TRAPPC9: variants seen among roughly 807,000 people sequenced by gnomAD.
TRAPPC9 encodes the protein trafficking protein particle complex subunit 9.
A neutral mutation model predicts 124.0 loss-of-function variants in TRAPPC9; 83 were observed. The ratio of observed to expected loss-of-function variants is 0.67; its 90% CI spans 0.56 to 0.80. The LOEUF (loss-of-function observed/expected upper bound fraction) is 0.80, where lower values mean the gene tolerates loss of function less well. Ranked by LOEUF, TRAPPC9 falls within the 30% of genes least tolerant of loss-of-function variation. The pLI, the probability that TRAPPC9 is intolerant of heterozygous loss-of-function variation, is 0.00. For synonymous variants in TRAPPC9, 638 were observed against 617.5 expected, an observed-to-expected ratio of 1.03 and a Z score of -0.49; for missense variants, 1,302 against 1,508.3, an observed-to-expected ratio of 0.86 and a Z score of 2.27.
intron 17 of TRAPPC9, among the ~76,000 whole-genome samples, chr8:140,181,880 C>T (rs748357702): frequency 6.6e-6 from 1 of 152,100 alleles, no homozygotes; most frequent in South Asian, 2.1e-4. Flanking sequence ...AGAGAAGTAT[C>T]TCTATGGAGC....
At chr8:139,772,078 C>G (rs1182810036) in intron 21 of TRAPPC9, among the ~76,000 whole-genome samples, 2 of 152,228 alleles carry the variant, frequency 1.3e-5, no homozygotes, top group Non-Finnish European at 2.9e-5. Context: ...TGAGGGCTAT[C>G]TATCTAGCCC....
intron 17 of TRAPPC9, among the ~76,000 whole-genome samples, chr8:140,028,504 A>T (rs1229121354): frequency 6.6e-6 from 1 of 152,246 alleles, no homozygotes; most frequent in Non-Finnish European, 1.5e-5. Flanking sequence ...GCTTTCATCA[A>T]TGAGGCTCAG....
At chr8:140,198,629 A>C (rs2062718309) in intron 17 of TRAPPC9, among the ~76,000 whole-genome samples, 2 of 152,102 alleles carry the variant, frequency 1.3e-5, no homozygotes, top group Non-Finnish European at 2.9e-5. Flanking sequence ...AGTAGTAATA[A>C]AACCGGTCTC....
intron 17 of TRAPPC9, among the ~76,000 whole-genome samples, chr8:140,153,919 G>A (rs913367137): frequency 3.3e-5 from 5 of 152,048 alleles, no homozygotes; most frequent in African/African-American, 9.7e-5. Context: ...AGCCTTCTAC[G>A]TTTGCTTATG....
chr8:140,129,383 G>T (rs2061162168), intron 17 of TRAPPC9, among the ~76,000 whole-genome samples: 1 of 152,156 alleles, frequency 6.6e-6, no homozygotes, highest in South Asian at 2.1e-4. Context: ...GCCTGAGCAG[G>T]GTACGGGGTC....
intron 17 of TRAPPC9, among the ~76,000 whole-genome samples, chr8:140,164,641 T>G (rs2061802634): frequency 6.6e-6 from 1 of 152,228 alleles, no homozygotes; most frequent in African/African-American, 2.4e-5. Flanking sequence ...TAGCTCAGAC[T>G]TGGCTGGACA....
In TRAPPC9 at chr8:140,443,264, T is replaced by C. The variant is rs7004225; in HGVS notation, c.585-4067A>G. Reference sequence around the variant, plus strand: ...TCCTGGCTAACATGATGAAACCCCGTCTCTACTAAAAAATACAAAAAATTA... The same window carrying C: ...TCCTGGCTAACATGATGAAACCCCGCCTCTACTAAAAAATACAAAAAATTA... On this transcript the variant is annotated intron_variant, in intron 2 of 22. Transcript: ENST00000438773. Among the ~76,000 whole-genome samples the C allele has an allele frequency of 8.1e-3, 1,169 of 144,456 alleles. 19 individuals are homozygous for C. Among genetic ancestry groups the C allele is most frequent in the African/African-American group, 0.028 (1,086 of 38,948 alleles). 94.8% of individuals were successfully genotyped at this position (144,456 alleles called of 152,430 possible).
At chr8:139,780,309 T>C (rs1001240599) in intron 21 of TRAPPC9, among the ~76,000 whole-genome samples, 1 of 152,076 alleles carries the variant, frequency 6.6e-6, no homozygotes, top group Non-Finnish European at 1.5e-5. Context: ...GTGAAAGAAA[T>C]AGATCAATGG....
At chr8:140,177,691 T>G (rs2062101046) in intron 17 of TRAPPC9, among the ~76,000 whole-genome samples, 1 of 152,138 alleles carries the variant, frequency 6.6e-6, no homozygotes, top group South Asian at 2.1e-4. Flanking sequence ...TGGGAAGAAC[T>G]GTCATTTTTA....
rs148453804 is a variant in TRAPPC9 at position 140,311,306 on chromosome 8, C to T, written c.1564G>A (p.Ala522Thr). 629 of 1,613,774 alleles carry T rather than the reference C, an allele frequency of 3.9e-4. 1 individual carries two copies. Among genetic ancestry groups the T allele is most frequent in the Non-Finnish European group, 5.0e-4 (593 of 1,180,010 alleles). Residue 522 changes from alanine (A) to threonine (T), a missense_variant, in exon 10 of 23, where the codon GCC becomes ACC. Ala to Thr is a moderately conservative substitution (Grantham distance 58, BLOSUM62 0). Around this residue, in one of 3 missense-constraint regions of TRAPPC9, gnomAD observed 657 missense variants for 811.2 expected, o/e 0.81. Transcript: ENST00000438773. ...GGCAGGGTGAGGCCGCCAGGGAGGG[C>T]GATGGGCTCCATGGTCCCAGGACAC... ...SKCPGTMEPI[A>T]LPGGLTLPPV...
intron 7 of TRAPPC9, among the ~76,000 whole-genome samples, chr8:140,392,708 G>A (rs1397545868): frequency 6.6e-6 from 1 of 152,178 alleles, no homozygotes; most frequent in African/African-American, 2.4e-5. Context: ...TGAAATTATG[G>A]TCTGGCTTTG....
intron 19 of TRAPPC9, among the ~76,000 whole-genome samples, chr8:139,974,002 C>T (rs183047583): frequency 1.3e-5 from 2 of 152,270 alleles, no homozygotes; most frequent in African/African-American, 4.8e-5. Flanking sequence ...GCAGGAGCTT[C>T]GAGAGCGGCC....
intron 15 of TRAPPC9, among the ~76,000 whole-genome samples, chr8:140,265,981 G>A (rs527734039): frequency 3.3e-5 from 5 of 152,148 alleles, no homozygotes; most frequent in South Asian, 2.1e-4. Context: ...CGGTGTGAAC[G>A]TGCATTTATG....
At chr8:140,373,089 CA>C (rs2068330093) in intron 7 of TRAPPC9, among the ~76,000 whole-genome samples, 1 of 152,200 alleles carries the variant, frequency 6.6e-6, no homozygotes, top group African/African-American at 2.4e-5. Flanking sequence ...TCTGTCAACA[CA>C]TATTTACTGA....
At chr8:139,738,630 G>C (rs966710710) in intron 21 of TRAPPC9, among the ~76,000 whole-genome samples, 1 of 152,220 alleles carries the variant, frequency 6.6e-6, no homozygotes, top group Non-Finnish European at 1.5e-5. Context: ...ACACCGATCA[G>C]ACTCTGGACC....
At chr8:140,060,502 C>T (rs1297707829) in intron 17 of TRAPPC9, among the ~76,000 whole-genome samples, 1 of 152,212 alleles carries the variant, frequency 6.6e-6, no homozygotes, top group Admixed American at 6.5e-5. Context: ...CCCTCCACCC[C>T]CGCCACTGAG....
intron 17 of TRAPPC9, among the ~76,000 whole-genome samples, chr8:140,032,406 TC>T (rs150736953): frequency 0.11 from 16,581 of 150,686 alleles, 1,186 homozygotes; most frequent in South Asian, 0.24. Flanking sequence ...AAACTTTTCC[TC>T]CCCCCCCACC....
At chr8:139,940,085 C>G (rs146983081) in intron 19 of TRAPPC9, among the ~76,000 whole-genome samples, 1 of 152,238 alleles carries the variant, frequency 6.6e-6, no homozygotes, top group Non-Finnish European at 1.5e-5. Flanking sequence ...GCTGGCCACA[C>G]GTCTGGGATT....
chr8:139,989,702 C>T (rs1055726618), intron 18 of TRAPPC9, among the ~76,000 whole-genome samples: 20 of 152,190 alleles, frequency 1.3e-4, no homozygotes, highest in African/African-American at 4.6e-4. Flanking sequence ...GCTTGAGAGC[C>T]GTCACTTCTT....
Sources: gnomAD v4.1 joint callset for allele counts (sites outside exome capture counted in the v4.1 genomes callset) on GRCh38, gnomAD v4.1.1 for gene constraint, gnomAD v4.1.1 regional missense constraint, MANE v1.5 for transcripts, NCBI Gene and HGNC (gene_info 2026-07-23, HGNC 2026-07-21) for gene names.